Variants in UBQLN1 observed in about 807,000 individuals in gnomAD.
UBQLN1 encodes the protein ubiquilin 1.
UBQLN1 carries 13 observed loss-of-function variants against 65.4 expected under a neutral mutation model. That is an observed-to-expected ratio of 0.20 (90% CI 0.13 to 0.32). The LOEUF (loss-of-function observed/expected upper bound fraction) is 0.32. Ranked by LOEUF, UBQLN1 falls within the 10% of genes least tolerant of loss-of-function variation. The pLI is 1.00. For missense variants in UBQLN1, 561 were observed against 724.0 expected, an observed-to-expected ratio of 0.77 and a Z score of 2.58; for synonymous variants, 267 against 247.8, an observed-to-expected ratio of 1.08 and a Z score of -0.73.
Position 83,661,948 on chromosome 9 carries a change from G to GAA in UBQLN1, c.1618-11_1618-10dup. 6.6e-7 allele frequency: 1 copy of GAA among 1,525,130 alleles called. No homozygotes were observed. 94.5% of individuals were successfully genotyped at this position (1,525,130 alleles called of 1,614,324 possible). On this transcript the variant is annotated splice_polypyrimidine_tract_variant and intron_variant, in intron 10 of 10. Coordinates refer to ENST00000376395, the MANE Select transcript of UBQLN1 (RefSeq NM_013438.5). ...ACTTCTGGATTCTGTAGCTATTAAA[G>GAA]AAAAAAAAAATTAATCCAACTCTAA...
intron 9 of UBQLN1, among the ~76,000 whole-genome samples, chr9:83,664,429 A>G (rs947044609): frequency 6.6e-6 from 1 of 152,062 alleles, no homozygotes; most frequent in South Asian, 2.1e-4. Flanking sequence ...AAAGGAATTT[A>G]AAAAATAATA....
Position 83,673,562 on chromosome 9 carries a change from A to C in UBQLN1, c.1105+4165T>G, listed in dbSNP as rs533606860. ...TCGGTCTTTTAAAAAAAAAAAAAAA[A>C]AAAAACAAAAAAAAAAAACTGCGCT... On this transcript the variant is annotated intron_variant, in intron 6 of 10. Transcript: ENST00000376395. 1.5e-3 allele frequency among the ~76,000 whole-genome samples: 97 copies of C among 64,672 alleles called. 1 individual carries two copies. The highest frequency in any genetic ancestry group is 0.018 in the Middle Eastern group (2 of 112). 42.4% of individuals were successfully genotyped at this position (64,672 alleles called of 152,430 possible).
At chr9:83,680,817 G>C (rs1232131710) in intron 3 of UBQLN1, among the ~76,000 whole-genome samples, 1 of 152,208 alleles carries the variant, frequency 6.6e-6, no homozygotes, top group East Asian at 1.9e-4. Context: ...CTTAGAGCTG[G>C]TCAGTCAGAA....
intron 1 of UBQLN1, among the ~76,000 whole-genome samples, chr9:83,695,561 G>C (rs1023755826): frequency 6.6e-6 from 1 of 151,802 alleles, no homozygotes; most frequent in Non-Finnish European, 1.5e-5. Context: ...TATGTAAAAG[G>C]TATTTTTTAA....
At chr9:83,684,174 A>G (rs1242450448) in intron 2 of UBQLN1, among the ~76,000 whole-genome samples, 3 of 151,956 alleles carry the variant, frequency 2.0e-5, no homozygotes, top group African/African-American at 7.3e-5. Context: ...ACAAATCAAT[A>G]TGATTAATAA....
rs1831878329 is a variant in UBQLN1 at position 83,678,358 on chromosome 9, A to T, written c.870+83T>A. 2.7e-6 allele frequency: 4 copies of T among 1,475,480 alleles called. No homozygotes were observed. In the South Asian group the frequency reaches 5.8e-5, roughly 21 times the overall value. 91.4% of individuals were successfully genotyped at this position (1,475,480 alleles called of 1,614,324 possible). On this transcript the variant is annotated intron_variant, in intron 5 of 10. Transcript: ENST00000376395. ...AAAAATTGAAAACCACATTCCTCAT[A>T]TAAAAGCTACCCTCAATCATACACA... is the stretch of plus-strand genomic sequence containing the variant.
intron 1 of UBQLN1, among the ~76,000 whole-genome samples, chr9:83,705,866 A>G (rs1016488466): frequency 1.4e-5 from 2 of 144,592 alleles, no homozygotes; most frequent in African/African-American, 5.2e-5. Context: ...AAATACACAC[A>G]GTACTATAGG....
intron 1 of UBQLN1, among the ~76,000 whole-genome samples, chr9:83,697,880 G>A (rs1832246447): frequency 6.6e-6 from 1 of 151,884 alleles, no homozygotes; most frequent in South Asian, 2.1e-4. Context: ...GGGATTACAG[G>A]CATGCACCAC....
At chr9:83,703,513 T>G (rs541959475) in intron 1 of UBQLN1, among the ~76,000 whole-genome samples, 1 of 151,854 alleles carries the variant, frequency 6.6e-6, no homozygotes, top group Non-Finnish European at 1.5e-5. Context: ...TATATACAAA[T>G]ATTCCAAAAT....
At chr9:83,699,400 G>A (rs189033197) in intron 1 of UBQLN1, among the ~76,000 whole-genome samples, 1 of 152,244 alleles carries the variant, frequency 6.6e-6, no homozygotes, top group Admixed American at 6.5e-5. Flanking sequence ...GGAATGCTGC[G>A]GTGCAATCAT....
chr9:83,693,391 C>T (rs879785768), intron 1 of UBQLN1, among the ~76,000 whole-genome samples: 1 of 152,166 alleles, frequency 6.6e-6, no homozygotes, highest in Admixed American at 6.5e-5. Flanking sequence ...GTGTGAATAT[C>T]AACTGCTGTT....
intron 6 of UBQLN1, among the ~76,000 whole-genome samples, chr9:83,670,382 G>T (rs1831710312): frequency 6.6e-6 from 1 of 150,378 alleles, no homozygotes; most frequent in African/African-American, 2.4e-5. Flanking sequence ...TTTTAACTTA[G>T]TTTTTTTTTC....
chr9:83,684,297 C>T (rs1212079752), intron 2 of UBQLN1, among the ~76,000 whole-genome samples: 3 of 151,730 alleles, frequency 2.0e-5, no homozygotes, highest in Non-Finnish European at 2.9e-5. Flanking sequence ...CAGGTTCAAG[C>T]GATTCTCCTG....
chr9:83,697,081 A>G (rs1225974872), intron 1 of UBQLN1, among the ~76,000 whole-genome samples: 1 of 151,868 alleles, frequency 6.6e-6, no homozygotes, highest in Non-Finnish European at 1.5e-5. Context: ...TAGCTATTCA[A>G]TGAACTTTAA....
intron 7 of UBQLN1, 163 bp downstream of exon 7, chr9:83,669,022 C>T: frequency 1.3e-6 from 1 of 765,180 alleles, no homozygotes; most frequent in Non-Finnish European, 1.9e-6. Flanking sequence ...TATTAATTTA[C>T]TGCAAAGAAA....
intron 2 of UBQLN1, among the ~76,000 whole-genome samples, chr9:83,683,437 GA>G (rs1831983739): frequency 9.6e-6 from 1 of 103,692 alleles, no homozygotes; most frequent in Admixed American, 1.0e-4. Flanking sequence ...AAAAAAAAAA[GA>G]ACCACTGAAA....
At chr9:83,678,083 G>A (rs561714619) in intron 5 of UBQLN1, 122 bp from the exon 6 acceptor site, 43 of 734,420 alleles carry the variant, frequency 5.9e-5, no homozygotes, top group African/African-American at 1.8e-4. Flanking sequence ...GTGCAGTGGC[G>A]CGATCTCGGC....
intron 1 of UBQLN1, among the ~76,000 whole-genome samples, chr9:83,696,592 T>C (rs1334099437): frequency 6.6e-6 from 1 of 151,784 alleles, no homozygotes; most frequent in African/African-American, 2.4e-5. Context: ...TGAGCTGTGA[T>C]CGCACTACTG....
At chr9:83,678,022 A>AAT in intron 5 of UBQLN1, 61 bp from the exon 6 acceptor site, 13 of 1,056,376 alleles carry the variant, frequency 1.2e-5, no homozygotes, top group Non-Finnish European at 1.6e-5. Flanking sequence ...AAGATATGAA[A>AAT]CTTTTTTTTT....
Sources: gnomAD v4.1 joint callset for allele counts (sites outside exome capture counted in the v4.1 genomes callset) on GRCh38, gnomAD v4.1.1 for gene constraint, MANE v1.5 for transcripts, NCBI Gene and HGNC (gene_info 2026-07-23, HGNC 2026-07-21) for gene names.